Variants in PDE10A observed in about 807,000 individuals in gnomAD.
The protein encoded by PDE10A is cAMP and cAMP-inhibited cGMP 3',5'-cyclic phosphodiesterase 10A.
A neutral mutation model predicts 97.7 loss-of-function variants in PDE10A; 39 were observed. That is an observed-to-expected ratio of 0.40 (90% CI 0.31 to 0.52). The LOEUF (loss-of-function observed/expected upper bound fraction) is 0.52. PDE10A is among the 20% of genes least tolerant of loss of function. PDE10A has a pLI of 0.56. For synonymous variants in PDE10A, 371 were observed against 376.8 expected (o/e 0.98, Z 0.18); for missense variants, 731 against 1,047.8 (o/e 0.70, Z 4.17).
chr6:165,335,125 G>T (rs1354506207), intron 21 of PDE10A, among the ~76,000 whole-genome samples: 1 of 152,148 alleles, frequency 6.6e-6, no homozygotes, highest in Non-Finnish European at 1.5e-5. Flanking sequence ...AAAGTAAAAT[G>T]AAAATCTTTA....
At chr6:165,768,935 C>G (rs940082006) in intron 1 of PDE10A, among the ~76,000 whole-genome samples, 1 of 152,178 alleles carries the variant, frequency 6.6e-6, no homozygotes, top group Non-Finnish European at 1.5e-5. Context: ...ATTATTTACA[C>G]TTTAAAGTGA....
intron 1 of PDE10A, among the ~76,000 whole-genome samples, chr6:165,877,766 C>T (rs988829952): frequency 2.0e-5 from 3 of 152,118 alleles, no homozygotes; most frequent in African/African-American, 4.8e-5. Flanking sequence ...TAATAACTAA[C>T]GTTCTCGAAG....
intron 1 of PDE10A, among the ~76,000 whole-genome samples, chr6:165,620,183 C>T (rs16898062): frequency 0.022 from 3,359 of 152,216 alleles, 132 homozygotes; most frequent in African/African-American, 0.077. Context: ...TTCCGGGCCA[C>T]GATACATTTT....
rs551262633 is a variant in PDE10A, at chr6:165,558,267, T to C, written c.866-14699A>G. Among the ~76,000 whole-genome samples the C allele has an allele frequency of 1.8e-4, 28 of 152,312 alleles. No homozygotes were observed. The East Asian group carries it at 4.8e-3, about 26-fold the overall frequency. On this transcript the variant is annotated intron_variant, in intron 1 of 21. Transcript: ENST00000539869. ...GGCACATATACACCATGGAATACTA[T>C]GCAGCCATAAAAGAGGATGAGTTCA...
chr6:165,416,302 G>C (rs773290001), intron 11 of PDE10A, 21 bp from the exon 12 acceptor site: 2 of 1,451,180 alleles, frequency 1.4e-6, no homozygotes, highest in Middle Eastern at 1.7e-4. Flanking sequence ...AAAAGAGAAG[G>C]ACATGCTAAT....
chr6:165,619,459 GTAGTC>G (rs1787977238), intron 1 of PDE10A, among the ~76,000 whole-genome samples: 2 of 17,490 alleles, frequency 1.1e-4, no homozygotes, highest in East Asian at 2.5e-3. Context: ...CTAGTGTAGT[GTAGTC>G]TAGTGTAGTG....
At chr6:165,680,950 G>C (rs1790959198) in intron 1 of PDE10A, among the ~76,000 whole-genome samples, 1 of 152,154 alleles carries the variant, frequency 6.6e-6, no homozygotes, top group African/African-American at 2.4e-5. Context: ...TATGTTTTAG[G>C]GTGGCCAGCT....
At position 165,379,333 on chromosome 6, in the gene PDE10A, A is replaced by C. The variant is rs1784798062; in HGVS notation, c.2644T>G (p.Ser882Ala). Residue 882 changes from serine to alanine, a missense_variant, in exon 18 of 22, where the codon TCC becomes GCC. Coordinates refer to ENST00000539869, the MANE Select transcript of PDE10A (RefSeq NM_001385079.1). ...TCAAGCACCTGCTCATATTCACTGG[A>C]GCTCAGAGTGGAGAAGATATTGTGC... is the stretch of plus-strand genomic sequence containing the variant. ...EGHNIFSTLS[S>A]SEYEQVLEII... 2 of 1,613,734 alleles carry C rather than the reference A, an allele frequency of 1.2e-6. No homozygotes were observed. The highest frequency in any genetic ancestry group is 1.1e-5 in the South Asian group (1 of 91,010).
chr6:165,955,933 T>C (rs1003702049), intron 1 of PDE10A, among the ~76,000 whole-genome samples: 1 of 152,222 alleles, frequency 6.6e-6, no homozygotes, highest in South Asian at 2.1e-4. Context: ...AGAAGCATCT[T>C]GTATGTTTTG....
intron 4 of PDE10A, 41 bp from the exon 5 acceptor site, chr6:165,449,018 G>A (rs777081651): frequency 1.3e-6 from 2 of 1,499,872 alleles, no homozygotes; most frequent in Non-Finnish European, 1.9e-6. Flanking sequence ...GAGCTCAGTG[G>A]GAGAATCTAA....
chr6:165,501,174 C>G (rs917024635), intron 2 of PDE10A, among the ~76,000 whole-genome samples: 1 of 152,174 alleles, frequency 6.6e-6, no homozygotes, highest in Non-Finnish European at 1.5e-5. Context: ...GCCTGTGTCT[C>G]TTTCTTTTCT....
chr6:165,724,487 G>A (rs547843199), intron 1 of PDE10A, among the ~76,000 whole-genome samples: 1 of 152,206 alleles, frequency 6.6e-6, no homozygotes, highest in Non-Finnish European at 1.5e-5. Context: ...GCTGAATCAG[G>A]CTCGCCCCCA....
At position 165,332,632 on chromosome 6, in the gene PDE10A, A is replaced by C. The variant is rs959809712; in HGVS notation, c.*393T>G. 2 of 171,384 alleles carry C rather than the reference A, an allele frequency of 1.2e-5. No homozygotes were observed. Among genetic ancestry groups the C allele is most frequent in the South Asian group, 1.6e-4 (1 of 6,164 alleles). 10.6% of individuals were successfully genotyped at this position (171,384 alleles called of 1,614,324 possible). A position where few individuals can be genotyped will look rare whatever the true frequency, so the allele number is the denominator to read the frequency against. On this transcript the variant is annotated 3_prime_UTR_variant, in exon 22 of 22. Coordinates refer to ENST00000539869, the MANE Select transcript of PDE10A (RefSeq NM_001385079.1). ...AAAGCAACATTGATGTTAAAGCCCA[A>C]GTACAATACCATAATAGTACCATTT...
chr6:165,510,675 G>A (rs1453088044), intron 2 of PDE10A, among the ~76,000 whole-genome samples: 1 of 152,006 alleles, frequency 6.6e-6, no homozygotes, highest in South Asian at 2.1e-4. Flanking sequence ...TTTATTGGGA[G>A]ACATTGTATT....
At chr6:165,699,809 A>T (rs1791524857) in intron 1 of PDE10A, among the ~76,000 whole-genome samples, 1 of 152,158 alleles carries the variant, frequency 6.6e-6, no homozygotes, top group South Asian at 2.1e-4. Flanking sequence ...GCATACCAAA[A>T]CTTATGGGAC....
chr6:165,510,331 A>T (rs978881735), intron 2 of PDE10A, among the ~76,000 whole-genome samples: 1 of 152,046 alleles, frequency 6.6e-6, no homozygotes, highest in African/African-American at 2.4e-5. Context: ...TATCATGTAT[A>T]TTGGTTTGCA....
At chr6:165,778,251 T>C (rs1258648083) in intron 1 of PDE10A, among the ~76,000 whole-genome samples, 4 of 152,064 alleles carry the variant, frequency 2.6e-5, no homozygotes, top group Admixed American at 2.0e-4. Flanking sequence ...TTTGTATTTT[T>C]AGTAGAGACG....
intron 1 of PDE10A, among the ~76,000 whole-genome samples, chr6:165,903,848 C>T (rs77395988): frequency 0.11 from 16,039 of 152,040 alleles, 1,112 homozygotes; most frequent in African/African-American, 0.19. Flanking sequence ...AAGAGGGTGA[C>T]TTAAGGTGGA....
chr6:165,737,294 G>A (rs1792599179), intron 1 of PDE10A, among the ~76,000 whole-genome samples: 1 of 152,170 alleles, frequency 6.6e-6, no homozygotes, highest in Non-Finnish European at 1.5e-5. Flanking sequence ...ATTTTATGAA[G>A]CCAACATTAC....
Sources: allele counts gnomAD v4.1 joint callset (sites outside exome capture counted in the v4.1 genomes callset), GRCh38; gene constraint gnomAD v4.1.1; transcripts MANE v1.5; gene names NCBI Gene and HGNC (gene_info 2026-07-23, HGNC 2026-07-21).